Variants in NPLOC4 observed in about 807,000 individuals in gnomAD.
NPLOC4 encodes the protein nuclear protein localization protein 4 homolog.
Under a neutral mutation model 80.6 loss-of-function variants are expected in NPLOC4, and 18 were observed. The ratio of observed to expected loss-of-function variants is 0.22; its 90% CI spans 0.15 to 0.33. The LOEUF is 0.33. NPLOC4 is among the 10% of genes least tolerant of loss of function. The probability of loss-of-function intolerance (pLI) is 1.00; values close to 1 mark genes in which losing one functional copy is unlikely to be tolerated. For missense variants in NPLOC4, 540 were observed against 786.1 expected, an observed-to-expected ratio of 0.69 and a Z score of 3.74; for synonymous variants, 313 against 301.5, an observed-to-expected ratio of 1.04 and a Z score of -0.39.
At chr17:81,634,154 G>A (rs1598700714) in intron 1 of NPLOC4, among the ~76,000 whole-genome samples, 2 of 151,166 alleles carry the variant, frequency 1.3e-5, no homozygotes, top group East Asian at 3.9e-4. Flanking sequence ...TTACAAACGT[G>A]AGCCACCACG....
At chr17:81,600,110 T>C (rs1011160667) in intron 9 of NPLOC4, among the ~76,000 whole-genome samples, 10 of 152,168 alleles carry the variant, frequency 6.6e-5, no homozygotes, top group African/African-American at 2.2e-4. Context: ...TTTTTTTTTT[T>C]TATGCTCAAG....
intron 9 of NPLOC4, among the ~76,000 whole-genome samples, chr17:81,599,061 G>C (rs1186804819): frequency 6.6e-6 from 1 of 152,216 alleles, no homozygotes; most frequent in Non-Finnish European, 1.5e-5. Context: ...GACCAAGGCG[G>C]GTGGATCACC....
At position 81,567,637 on chromosome 17, in the gene NPLOC4, T is replaced by G; in HGVS notation, c.1450-104A>C. ...AGACGCAACTCAATACACTGAATGC[T>G]GAGACACCTCTCCCTCTGCCTCTGC... On this transcript the variant is annotated intron_variant, in intron 14 of 16. Transcript: ENST00000331134. The surrounding 1 kb of genome is among the most constrained non-coding windows in gnomAD (Gnocchi z 4.5). 1.5e-6 allele frequency: 1 copy of G among 688,260 alleles called. No individual in the cohort carries two copies. The highest frequency in any genetic ancestry group is 1.7e-5 in the South Asian group (1 of 57,392). 42.6% of individuals were successfully genotyped at this position (688,260 alleles called of 1,614,324 possible).
chr17:81,583,365 T>C (rs769624650), intron 12 of NPLOC4, among the ~76,000 whole-genome samples: 4 of 152,242 alleles, frequency 2.6e-5, no homozygotes, highest in Non-Finnish European at 5.9e-5. Flanking sequence ...TTCTCCATAA[T>C]TACAAGTCTT....
At chr17:81,563,636 C>A in intron 16 of NPLOC4, 1 of 231,486 alleles carries the variant, frequency 4.3e-6, no homozygotes, top group Non-Finnish European at 8.8e-6. Context: ...CATCAAAGGG[C>A]TGGGTGCAGT....
chr17:81,629,595 A>G (rs2035880748), intron 2 of NPLOC4, 130 bp downstream of exon 2: 1 of 693,928 alleles, frequency 1.4e-6, no homozygotes, highest in Non-Finnish European at 2.6e-6. Context: ...ACTGTGATAG[A>G]GAAAGGCAAT....
chr17:81,596,509 T>G (rs1182912285), intron 10 of NPLOC4, among the ~76,000 whole-genome samples: 1 of 152,170 alleles, frequency 6.6e-6, no homozygotes, highest in African/African-American at 2.4e-5. Context: ...GAAGCTGTAG[T>G]GAGCCGAGAT....
Position 81,559,233 on chromosome 17 carries a change from G to C in NPLOC4, c.*26C>G, listed in dbSNP as rs770636858. 1.9e-6 allele frequency: 3 copies of C among 1,581,336 alleles called. No homozygotes were observed. The highest frequency in any genetic ancestry group is 1.8e-5 in the Admixed American group (1 of 55,252). ...TTCAGGAAGGGCTGGGCTGGGCCCG[G>C]TCCTAGCCAGCAGAGGGCAGGCGCC... On this transcript the variant is annotated 3_prime_UTR_variant, in exon 17 of 17. Transcript: ENST00000331134.
At chr17:81,579,993 G>A (rs540892004) in intron 12 of NPLOC4, among the ~76,000 whole-genome samples, 44 of 152,158 alleles carry the variant, frequency 2.9e-4, no homozygotes, top group Admixed American at 6.5e-4. Flanking sequence ...GCTGCTGAAG[G>A]CAAAGCCTCC....
intron 6 of NPLOC4, among the ~76,000 whole-genome samples, chr17:81,608,075 A>C (rs972846106): frequency 1.3e-5 from 2 of 152,322 alleles, no homozygotes; most frequent in Admixed American, 6.5e-5. Flanking sequence ...CTTTCTGGCC[A>C]CTGTTACCAC....
At chr17:81,574,405 C>A (rs2034237536) in intron 12 of NPLOC4, among the ~76,000 whole-genome samples, 1 of 152,170 alleles carries the variant, frequency 6.6e-6, no homozygotes, top group African/African-American at 2.4e-5. Context: ...GTCACTTCTA[C>A]CTCTCCCCCA....
intron 12 of NPLOC4, among the ~76,000 whole-genome samples, chr17:81,583,629 A>T (rs1460022978): frequency 1.3e-5 from 2 of 152,124 alleles, no homozygotes; most frequent in Non-Finnish European, 2.9e-5. Context: ...TTTCCTAAAA[A>T]ACTACACGTG....
At chr17:81,629,973 G>T in intron 1 of NPLOC4, 168 bp from the exon 2 acceptor site, 1 of 573,370 alleles carries the variant, frequency 1.7e-6, no homozygotes, top group Non-Finnish European at 3.1e-6. Flanking sequence ...ATGATGCCGA[G>T]GGGTGAGATT....
chr17:81,592,770 G>A (rs1337219109), intron 11 of NPLOC4, among the ~76,000 whole-genome samples: 7 of 152,168 alleles, frequency 4.6e-5, no homozygotes, highest in Non-Finnish European at 8.8e-5. Context: ...GATCACTTGA[G>A]GCCAGAAGCT....
At chr17:81,625,347 G>A (rs981560674) in intron 2 of NPLOC4, among the ~76,000 whole-genome samples, 2 of 152,132 alleles carry the variant, frequency 1.3e-5, no homozygotes, top group Non-Finnish European at 2.9e-5. Flanking sequence ...CAGTGAAGCC[G>A]TCCAGCAGGC....
intron 11 of NPLOC4, among the ~76,000 whole-genome samples, chr17:81,594,294 A>C (rs1416446185): frequency 6.6e-6 from 1 of 150,720 alleles, no homozygotes; most frequent in East Asian, 1.9e-4. Flanking sequence ...AAAAAAAAAA[A>C]AAAAAAAAAA....
At chr17:81,602,744 A>G (rs1054695390) in intron 8 of NPLOC4, among the ~76,000 whole-genome samples, 10 of 151,440 alleles carry the variant, frequency 6.6e-5, no homozygotes, top group African/African-American at 1.2e-4. Context: ...AGGAAGTCCA[A>G]CTAAAAAGAT....
chr17:81,557,810 G>A lies in NPLOC4; in HGVS notation c.*1449C>T, dbSNP rs1465080047. 1 of 152,292 alleles carries A rather than the reference G, an allele frequency of 6.6e-6. No homozygotes were observed. The highest frequency in any genetic ancestry group is 2.4e-5 in the African/African-American group (1 of 41,456). The allele number at this position is 152,292 out of a possible 1,614,324, so 9.4% of individuals were successfully genotyped here. On this transcript the variant is annotated 3_prime_UTR_variant, in exon 17 of 17. Coordinates refer to ENST00000331134, the MANE Select transcript of NPLOC4 (RefSeq NM_017921.4). Reference sequence around the variant, plus strand: ...CAACCCAACTGGCCCCTGGTCCCAAGAGCAGATGAGCTGCTTGGGCCTTCC... The same window carrying A: ...CAACCCAACTGGCCCCTGGTCCCAAAAGCAGATGAGCTGCTTGGGCCTTCC...
intron 3 of NPLOC4, among the ~76,000 whole-genome samples, chr17:81,614,844 T>C (rs2035437022): frequency 6.6e-6 from 1 of 152,160 alleles, no homozygotes; most frequent in African/African-American, 2.4e-5. Context: ...GAAGAAAGGC[T>C]GCAGCATGTC....
Sources: allele counts gnomAD v4.1 joint callset (sites outside exome capture counted in the v4.1 genomes callset), GRCh38; gene constraint gnomAD v4.1.1; non-coding constraint Gnocchi (gnomAD v3.1); transcripts MANE v1.5; gene names NCBI Gene and HGNC (gene_info 2026-07-23, HGNC 2026-07-21).